The following USP25 variants were observed in gnomAD, a reference collection of about 807,000 sequenced individuals.
USP25 encodes the protein ubiquitin specific peptidase 25.
A neutral mutation model predicts 158.5 loss-of-function variants in USP25; 85 were observed. The observed-to-expected ratio is 0.54, with a 90% CI of 0.45 to 0.64. The LOEUF (loss-of-function observed/expected upper bound fraction) is 0.64, where lower values mean the gene tolerates loss of function less well. USP25 is among the 30% of genes least tolerant of loss of function. The probability of loss-of-function intolerance (pLI) is 0.00; values close to 1 mark genes in which losing one functional copy is unlikely to be tolerated. For missense variants in USP25, 1,242 were observed against 1,327.3 expected, an observed-to-expected ratio of 0.94 and a Z score of 1.00; for synonymous variants, 464 against 460.4, an observed-to-expected ratio of 1.01 and a Z score of -0.10.
chr21:15,773,364 TGAA>T (rs1225754699), intron 3 of USP25: 4 of 152,634 alleles, frequency 2.6e-5, no homozygotes, highest in Admixed American at 2.6e-4. Context: ...GGGGGCAAAA[TGAA>T]GAGTGAATAT....
At chr21:15,848,866 G>A (rs1318348372) in intron 19 of USP25, among the ~76,000 whole-genome samples, 3 of 152,168 alleles carry the variant, frequency 2.0e-5, no homozygotes, top group African/African-American at 7.2e-5. Context: ...AATAGGTTCA[G>A]TGAATCAGAG....
intron 20 of USP25, among the ~76,000 whole-genome samples, chr21:15,856,437 T>C (rs1425661219): frequency 6.6e-6 from 1 of 152,218 alleles, no homozygotes; most frequent in African/African-American, 2.4e-5. Context: ...CCTGTATTTA[T>C]AATTTAAATA....
At chr21:15,820,487 C>T (rs979628959) in intron 10 of USP25, among the ~76,000 whole-genome samples, 6 of 151,826 alleles carry the variant, frequency 4.0e-5, no homozygotes, top group African/African-American at 1.4e-4. Context: ...TGATGGTTCT[C>T]TATTTTAGCA....
intron 1 of USP25, among the ~76,000 whole-genome samples, chr21:15,748,459 T>G (rs1269550499): frequency 2.8e-5 from 4 of 140,706 alleles, no homozygotes; most frequent in South Asian, 2.4e-4. Context: ...TTTTAGTTTT[T>G]TTTTTTTTTT....
At position 15,771,547 on chromosome 21, in the gene USP25, T is replaced by G. The variant is rs186718942; in HGVS notation, c.268+5406T>G. ...ATGAATAGTGAGGACACAGCCTTGT[T>G]GAAGCTGAATGAGCGAGGGTAGGAA... On this transcript the variant is annotated intron_variant, in intron 3 of 25. Coordinates refer to ENST00000400183, the MANE Select transcript of USP25 (RefSeq NM_001283041.3). Among the ~76,000 whole-genome samples, 27 of 152,164 alleles carry G rather than the reference T, an allele frequency of 1.8e-4. No individual in the cohort carries two copies. The East Asian group carries it at 2.1e-3, about 12-fold the overall frequency.
Position 15,818,728 on chromosome 21 carries a change from G to A in USP25, c.962G>A (p.Gly321Asp), listed in dbSNP as rs1367747432. The stretch of plus-strand genomic sequence containing the variant: ...AAATTTGAAAACACTGAAATGTTTG[G>A]TCAGTACCCACTTCAGGTCAATGGG... Reference protein sequence around the residue: ...GKKFENTEMFGQYPLQVNGFK... With the variant: ...GKKFENTEMFDQYPLQVNGFK... The change falls in exon 10 of 26, where the codon GGT (glycine) becomes GAT (aspartate). Residue 321 changes from glycine to aspartate, a missense_variant. Transcript: ENST00000400183. 2 of 1,611,970 alleles carry A rather than the reference G, an allele frequency of 1.2e-6. No individual in the cohort carries two copies. Among genetic ancestry groups the A allele is most frequent in the Non-Finnish European group, 1.7e-6 (2 of 1,178,772 alleles).
At position 15,879,445 on chromosome 21, in the gene USP25, T is replaced by G. The variant is rs370999658; in HGVS notation, c.*970T>G. 6.6e-6 allele frequency: 1 copy of G among 152,514 alleles called. No homozygotes were observed. Among genetic ancestry groups the G allele is most frequent in the East Asian group, 1.9e-4 (1 of 5,194 alleles). The allele number at this position is 152,514 out of a possible 1,614,324, so 9.4% of individuals were successfully genotyped here. A position where few individuals can be genotyped will look rare whatever the true frequency, so the allele number is the denominator to read the frequency against. On this transcript the variant is annotated 3_prime_UTR_variant, in exon 26 of 26. Coordinates refer to ENST00000400183, the MANE Select transcript of USP25 (RefSeq NM_001283041.3). ...TATCACTTTAATTGAAAATGTTCTCTACTAATTAATACTGTGAAACAAAAT... is the reference window on the plus strand; with the variant it reads ...TATCACTTTAATTGAAAATGTTCTCGACTAATTAATACTGTGAAACAAAAT...
chr21:15,824,351 A>C (rs1487987927), intron 11 of USP25, among the ~76,000 whole-genome samples, 185 bp downstream of exon 11: 1 of 152,218 alleles, frequency 6.6e-6, no homozygotes, highest in Admixed American at 6.5e-5. Context: ...TTTGGGAATA[A>C]TGTTATAAGG....
intron 7 of USP25, 48 bp from the exon 8 acceptor site, chr21:15,808,759 ATT>A: frequency 9.0e-6 from 11 of 1,219,456 alleles, no homozygotes; most frequent in South Asian, 3.1e-5. Context: ...AACATCTAGT[ATT>A]TTTTTTTTAG....
At chr21:15,830,161 A>G (rs929689727) in intron 14 of USP25, among the ~76,000 whole-genome samples, 5 of 152,136 alleles carry the variant, frequency 3.3e-5, no homozygotes, top group African/African-American at 1.2e-4. Context: ...TGTGTACAAG[A>G]TATGTGGTGA....
chr21:15,777,082 A>G (rs2034697934), intron 3 of USP25, among the ~76,000 whole-genome samples: 1 of 152,278 alleles, frequency 6.6e-6, no homozygotes, highest in Non-Finnish European at 1.5e-5. Flanking sequence ...TGACCAATAT[A>G]TATTGGGAAA....
chr21:15,780,233 T>C (rs2034890050), intron 4 of USP25, among the ~76,000 whole-genome samples: 1 of 152,196 alleles, frequency 6.6e-6, no homozygotes, highest in South Asian at 2.1e-4. Context: ...GGATACTACA[T>C]TGTGTGTAAT....
intron 3 of USP25, among the ~76,000 whole-genome samples, chr21:15,776,763 T>A (rs965953567): frequency 5.3e-5 from 8 of 152,062 alleles, no homozygotes; most frequent in African/African-American, 1.9e-4. Flanking sequence ...TCACTGGAGC[T>A]CAGGAGTTTG....
chr21:15,791,526 G>C lies in USP25; in HGVS notation c.417G>C (p.Glu139Asp). The change falls in exon 5 of 26, where the codon GAG (glutamate) becomes GAC (aspartate). Residue 139 changes from glutamate to aspartate, a missense_variant. By Grantham distance (45) the Glu-to-Asp change is conservative. This residue lies in a region of USP25 where 627 missense variants were observed against 701.4 expected (regional missense o/e 0.89). Coordinates refer to ENST00000400183, the MANE Select transcript of USP25 (RefSeq NM_001283041.3). The stretch of plus-strand genomic sequence containing the variant: ...GAGTTCTTGAAGCCAGCATAGCAGA[G>C]AATAAAGCATGTTTGAAGAGGACAC... ...ISRVLEASIA[E>D]NKACLKRTPT... is the part of the protein sequence containing the mutation. 6.2e-7 allele frequency: 1 copy of C among 1,610,116 alleles called. No individual in the cohort carries two copies. Among genetic ancestry groups the C allele is most frequent in the Middle Eastern group, 1.7e-4 (1 of 6,036 alleles).
chr21:15,829,568 G>A (rs770534118), intron 14 of USP25, among the ~76,000 whole-genome samples: 1 of 152,094 alleles, frequency 6.6e-6, no homozygotes, highest in Non-Finnish European at 1.5e-5. Context: ...AGCTTCGAGT[G>A]AAGTTGGATA....
intron 20 of USP25, among the ~76,000 whole-genome samples, chr21:15,852,355 G>T (rs1217723121): frequency 2.0e-5 from 3 of 151,940 alleles, no homozygotes; most frequent in African/African-American, 7.2e-5. Flanking sequence ...AGACTGCCTG[G>T]GCCGACTGCT....
At chr21:15,774,452 A>G (rs946317450) in intron 3 of USP25, among the ~76,000 whole-genome samples, 3 of 152,170 alleles carry the variant, frequency 2.0e-5, no homozygotes, top group African/African-American at 7.2e-5. Flanking sequence ...AATCATTGTC[A>G]ACAGATACAT....
chr21:15,846,624 T>C (rs1007540030), intron 18 of USP25, among the ~76,000 whole-genome samples: 2 of 152,176 alleles, frequency 1.3e-5, no homozygotes, highest in African/African-American at 4.8e-5. Context: ...TGAAACCTCT[T>C]TAATTGCTGT....
At chr21:15,802,823 C>T (rs934716675) in intron 6 of USP25, among the ~76,000 whole-genome samples, 1 of 151,530 alleles carries the variant, frequency 6.6e-6, no homozygotes, top group Non-Finnish European at 1.5e-5. Context: ...AATCTGTGAA[C>T]CAAATATCAG....
Sources: allele counts gnomAD v4.1 joint callset (sites outside exome capture counted in the v4.1 genomes callset), GRCh38; gene constraint gnomAD v4.1.1; regional missense constraint gnomAD v4.1.1; transcripts MANE v1.5; gene names NCBI Gene and HGNC (gene_info 2026-07-23, HGNC 2026-07-21).